PAQR5: variants seen among roughly 807,000 people sequenced by gnomAD.
The protein encoded by PAQR5 is membrane progestin receptor gamma.
In PAQR5, 20 loss-of-function variants were observed where a neutral mutation model predicts 34.5. That is an observed-to-expected ratio of 0.58 (90% CI 0.41 to 0.84). The LOEUF (loss-of-function observed/expected upper bound fraction) is 0.84, where lower values mean the gene tolerates loss of function less well. PAQR5 is among the 40% of genes least tolerant of loss of function. The pLI, the probability that PAQR5 is intolerant of heterozygous loss-of-function variation, is 0.00. For synonymous variants in PAQR5, 131 were observed against 155.6 expected, an observed-to-expected ratio of 0.84 and a Z score of 1.18; for missense variants, 378 against 412.7, an observed-to-expected ratio of 0.92 and a Z score of 0.73.
intron 3 of PAQR5, among the ~76,000 whole-genome samples, chr15:69,376,840 G>A (rs2140905947): frequency 6.6e-6 from 1 of 152,308 alleles, no homozygotes; most frequent in Non-Finnish European, 1.5e-5. Flanking sequence ...GCTGGCTTTT[G>A]ACGACGTCAG....
rs2053457314 is a variant in PAQR5 at position 69,298,941 on chromosome 15, G to A, written c.-392G>A. 1 of 151,992 alleles carries A rather than the reference G, an allele frequency of 6.6e-6. No homozygotes were observed. The highest frequency in any genetic ancestry group is 2.1e-4 in the South Asian group (1 of 4,834). 9.4% of individuals were successfully genotyped at this position (151,992 alleles called of 1,614,324 possible). A position where few individuals can be genotyped will look rare whatever the true frequency, so the allele number is the denominator to read the frequency against. ...GTAGGCGCGGCGACCCGCAGGGCCA[G>A]GTGCAGGGCCCGCGAGTCCGGGGTC... On this transcript the variant is annotated 5_prime_UTR_variant, in exon 1 of 9. Coordinates refer to ENST00000395407, the MANE Select transcript of PAQR5 (RefSeq NM_017705.4).
At chr15:69,399,261 C>G (rs550774191) in intron 7 of PAQR5, among the ~76,000 whole-genome samples, 1 of 152,246 alleles carries the variant, frequency 6.6e-6, no homozygotes, top group African/African-American at 2.4e-5. Flanking sequence ...AACAGTTGAC[C>G]CTTAAACATG....
chr15:69,367,138 G>A (rs1449330845), intron 3 of PAQR5, among the ~76,000 whole-genome samples: 1 of 152,034 alleles, frequency 6.6e-6, no homozygotes, highest in African/African-American at 2.4e-5. Context: ...TTAGCTGACA[G>A]TTTAGTCTAC....
At chr15:69,305,532 AG>A (rs1398552485) in intron 1 of PAQR5, among the ~76,000 whole-genome samples, 1 of 151,646 alleles carries the variant, frequency 6.6e-6, no homozygotes, top group East Asian at 1.9e-4. Context: ...GCTCGGAGTG[AG>A]GGGGAGAGAG....
In PAQR5 at chr15:69,403,518, A is replaced by T. The variant is rs146633342; in HGVS notation, c.752-63A>T. ...GCATCATTTTTAGCATGAATGCCAT[A>T]GCATGTATCAGTACTCATTCCTTTT... On this transcript the variant is annotated intron_variant, in intron 8 of 8. Transcript: ENST00000395407. 5 of 1,507,286 alleles carry T rather than the reference A, an allele frequency of 3.3e-6. No individual in the cohort carries two copies. In the East Asian group the frequency reaches 1.1e-4, roughly 34 times the overall value. The allele number at this position is 1,507,286 out of a possible 1,614,324, so 93.4% of individuals were successfully genotyped here.
At chr15:69,364,279 A>G (rs1013568368) in intron 3 of PAQR5, among the ~76,000 whole-genome samples, 1 of 151,934 alleles carries the variant, frequency 6.6e-6, no homozygotes, top group Non-Finnish European at 1.5e-5. Flanking sequence ...GAGAGTGCTT[A>G]GATCACCAAT....
chr15:69,397,652 C>A, intron 7 of PAQR5, 88 bp downstream of exon 7: 1 of 878,684 alleles, frequency 1.1e-6, no homozygotes, highest in Non-Finnish European at 2.0e-6. Context: ...CACAGCACTG[C>A]AATGGGAACC....
chr15:69,361,779 T>A (rs1209565659), intron 3 of PAQR5, among the ~76,000 whole-genome samples: 2 of 152,080 alleles, frequency 1.3e-5, no homozygotes, highest in Non-Finnish European at 2.9e-5. Context: ...CAATTTCAGA[T>A]GAGATTTGAA....
intron 1 of PAQR5, among the ~76,000 whole-genome samples, chr15:69,317,462 AC>A (rs2053981008): frequency 2.0e-5 from 3 of 151,876 alleles, no homozygotes; most frequent in Admixed American, 1.3e-4. Context: ...CCACCCCCCT[AC>A]CCAGGTCCAT....
intron 1 of PAQR5, among the ~76,000 whole-genome samples, chr15:69,323,403 T>A (rs76582533): frequency 0.043 from 6,554 of 152,290 alleles, 280 homozygotes; most frequent in East Asian, 0.15. Context: ...CTTTTCCAAA[T>A]GCATGAGCTG....
chr15:69,362,002 T>C (rs1183871335), intron 3 of PAQR5, among the ~76,000 whole-genome samples: 1 of 151,342 alleles, frequency 6.6e-6, no homozygotes. Flanking sequence ...GTTATGGGAG[T>C]CTGCTTAGAT....
chr15:69,311,752 T>C (rs1024030073), intron 1 of PAQR5, among the ~76,000 whole-genome samples: 1 of 152,190 alleles, frequency 6.6e-6, no homozygotes, highest in Admixed American at 6.5e-5. Context: ...GACCAAAGCC[T>C]GGTGATTCCC....
chr15:69,306,691 C>T (rs1489059497), intron 1 of PAQR5, among the ~76,000 whole-genome samples: 1 of 152,136 alleles, frequency 6.6e-6, no homozygotes, highest in East Asian at 1.9e-4. Flanking sequence ...GTGTGAGCCA[C>T]CGCCCCCCGC....
intron 1 of PAQR5, among the ~76,000 whole-genome samples, chr15:69,303,470 C>A (rs569540651): frequency 6.6e-6 from 1 of 152,212 alleles, no homozygotes; most frequent in Admixed American, 6.5e-5. Flanking sequence ...GGGTTGCTCT[C>A]CCAAGGCAGC....
chr15:69,322,200 G>A (rs543457050), intron 1 of PAQR5, among the ~76,000 whole-genome samples: 4 of 149,374 alleles, frequency 2.7e-5, no homozygotes, highest in African/African-American at 5.0e-5. Context: ...AGCCAGGGCC[G>A]GGTGCAGTGG....
At chr15:69,314,967 C>T (rs950886331) in intron 1 of PAQR5, among the ~76,000 whole-genome samples, 3 of 152,154 alleles carry the variant, frequency 2.0e-5, no homozygotes, top group African/African-American at 4.8e-5. Flanking sequence ...GTCTGGGCGC[C>T]TGCTGGTGCC....
At position 69,358,743 on chromosome 15, in the gene PAQR5, T is replaced by C. The variant is rs142008516; in HGVS notation, c.-115-1223T>C. Among the ~76,000 whole-genome samples, 732 of 147,814 alleles carry C rather than the reference T, an allele frequency of 5.0e-3. 5 individuals carry two copies. Among genetic ancestry groups the C allele is most frequent in the African/African-American group, 0.017 (701 of 40,304 alleles). ...ACCTCCTGGGCTGAAGTGATCTCACTTTAGCCCGCCCTTGAGTATAACACC... is the reference window on the plus strand; with the variant it reads ...ACCTCCTGGGCTGAAGTGATCTCACCTTAGCCCGCCCTTGAGTATAACACC... On this transcript the variant is annotated intron_variant, in intron 2 of 8. Coordinates refer to ENST00000395407, the MANE Select transcript of PAQR5 (RefSeq NM_017705.4).
In PAQR5 at chr15:69,404,065, T is replaced by C. The variant is rs140481740; in HGVS notation, c.*243T>C. ...AGCAAGTCCTTGTTAAGGCAAACTA[T>C]TGATATTTCATTAATTTTAAATTTA... On this transcript the variant is annotated 3_prime_UTR_variant, in exon 9 of 9. Coordinates refer to ENST00000395407, the MANE Select transcript of PAQR5 (RefSeq NM_017705.4). The C allele has an allele frequency of 1.1e-5, 5 of 436,566 alleles. No individual in the cohort carries two copies. The highest frequency in any genetic ancestry group is 3.9e-5 in the South Asian group (1 of 25,508). The allele number at this position is 436,566 out of a possible 1,614,324, so 27.0% of individuals were successfully genotyped here.
intron 3 of PAQR5, among the ~76,000 whole-genome samples, chr15:69,377,004 T>C (rs2055725959): frequency 6.6e-6 from 1 of 152,118 alleles, no homozygotes; most frequent in African/African-American, 2.4e-5. Context: ...CCCAGCCTTC[T>C]CCCTGCAGGT....
Sources: allele counts gnomAD v4.1 joint callset (sites outside exome capture counted in the v4.1 genomes callset), GRCh38; gene constraint gnomAD v4.1.1; transcripts MANE v1.5; gene names NCBI Gene and HGNC (gene_info 2026-07-23, HGNC 2026-07-21).